Variants in LRP1B observed in about 807,000 individuals in gnomAD.
The protein encoded by LRP1B is LDL receptor related protein 1B.
Under a neutral mutation model 556.6 loss-of-function variants are expected in LRP1B, and 217 were observed. That is an observed-to-expected ratio of 0.39 (90% CI 0.35 to 0.44). LRP1B has a LOEUF of 0.44. Ranked by LOEUF, LRP1B falls within the 20% of genes least tolerant of loss-of-function variation. LRP1B has a pLI of 1.00. For missense variants in LRP1B, 5,053 were observed against 5,620.8 expected, an observed-to-expected ratio of 0.90 and a Z score of 3.23; for synonymous variants, 2,047 against 1,865.8, an observed-to-expected ratio of 1.10 and a Z score of -2.50.
Position 141,058,882 on chromosome 2 carries a change from C to A in LRP1B, c.1408+1G>T, listed in dbSNP as rs2105462480. On this transcript the variant is annotated splice_donor_variant, in intron 9 of 90. Coordinates refer to ENST00000389484, the MANE Select transcript of LRP1B (RefSeq NM_018557.3). LOFTEE classifies it high-confidence loss of function. ...GGTAATAAAGAAGCTTTCCCACTTA[C>A]CTGTTGGTTGAGTTCTTTTTTGATA... The A allele has an allele frequency of 6.3e-7, 1 of 1,581,628 alleles. No homozygotes were observed. Among genetic ancestry groups the A allele is most frequent in the Non-Finnish European group, 8.6e-7 (1 of 1,166,198 alleles).
chr2:141,693,989 G>A (rs1691639007), intron 2 of LRP1B, among the ~76,000 whole-genome samples: 1 of 152,036 alleles, frequency 6.6e-6, no homozygotes. Flanking sequence ...AGGAATTGGA[G>A]TGCAAATACC....
At chr2:140,672,028 A>G (rs1398688434) in intron 41 of LRP1B, among the ~76,000 whole-genome samples, 7 of 152,198 alleles carry the variant, frequency 4.6e-5, no homozygotes, top group Non-Finnish European at 1.0e-4. Flanking sequence ...TAAATCAGCT[A>G]TGTTTAAAAT....
rs151118490 is a variant in LRP1B, at chr2:140,943,430, T to C, written c.3136+6805A>G. Among the ~76,000 whole-genome samples, 35 of 152,174 alleles carry C rather than the reference T, an allele frequency of 2.3e-4. No individual in the cohort carries two copies. In the East Asian group the frequency reaches 6.8e-3, roughly 29 times the overall value. ...GCAGCACTCAACCCATTAGATTTAA[T>C]AGACATCTACAGAATACTCCACTCA... On this transcript the variant is annotated intron_variant, in intron 20 of 90. Coordinates refer to ENST00000389484, the MANE Select transcript of LRP1B (RefSeq NM_018557.3).
intron 77 of LRP1B, among the ~76,000 whole-genome samples, chr2:140,344,897 G>A (rs1310516364): frequency 6.6e-6 from 1 of 151,632 alleles, no homozygotes; most frequent in Non-Finnish European, 1.5e-5. Flanking sequence ...CTGAGTAAGT[G>A]AGGGGAAAAA....
intron 2 of LRP1B, among the ~76,000 whole-genome samples, chr2:141,603,295 G>T (rs1458592319): frequency 6.6e-6 from 1 of 152,056 alleles, no homozygotes; most frequent in Non-Finnish European, 1.5e-5. Flanking sequence ...AATTTTTTTT[G>T]AATTATAATA....
chr2:141,464,431 G>A (rs1682080709), intron 3 of LRP1B, among the ~76,000 whole-genome samples: 1 of 139,914 alleles, frequency 7.1e-6, no homozygotes, highest in South Asian at 2.3e-4. Flanking sequence ...TTTTTTTTTT[G>A]AGACGGAGTC....
rs142682101 is a variant in LRP1B at position 141,605,328 on chromosome 2, T to C, written c.206-124795A>G. 1.5e-3 allele frequency among the ~76,000 whole-genome samples: 231 copies of C among 151,954 alleles called. 2 individuals carry two copies. Among genetic ancestry groups the C allele is most frequent in the African/African-American group, 5.4e-3 (223 of 41,536 alleles). ...CACAAATCCTAAAATATTTATCATC[T>C]AGCCTTGTACAAAAAAAAATGCTGA... is the stretch of plus-strand genomic sequence containing the variant. On this transcript the variant is annotated intron_variant, in intron 2 of 90. Transcript: ENST00000389484.
chr2:140,780,343 G>A (rs984631820), intron 32 of LRP1B, among the ~76,000 whole-genome samples: 1 of 152,176 alleles, frequency 6.6e-6, no homozygotes, highest in African/African-American at 2.4e-5. Flanking sequence ...TTTTCCTGAA[G>A]TGTAGAATTG....
intron 3 of LRP1B, among the ~76,000 whole-genome samples, chr2:141,292,325 C>T (rs901416076): frequency 4.6e-5 from 7 of 152,094 alleles, no homozygotes; most frequent in African/African-American, 1.2e-4. Flanking sequence ...CAGCACACTC[C>T]GTGATAGGCA....
intron 11 of LRP1B, among the ~76,000 whole-genome samples, chr2:141,046,345 C>G (rs1698869559): frequency 6.6e-6 from 1 of 152,042 alleles, no homozygotes; most frequent in African/African-American, 2.4e-5. Context: ...AGTGAATACA[C>G]ATAGAATTTA....
At chr2:140,406,374 C>T (rs886382157) in intron 66 of LRP1B, among the ~76,000 whole-genome samples, 9 of 152,122 alleles carry the variant, frequency 5.9e-5, no homozygotes, top group African/African-American at 2.2e-4. Flanking sequence ...AAATAAAGGA[C>T]ATCTAAATTA....
In LRP1B at chr2:140,239,518, T is replaced by C. The variant is rs200367332; in HGVS notation, c.13339A>G (p.Ile4447Val). The part of the protein sequence containing the change: ...DHISTRSIAI[I>V]VPLVLLVTLI... Reference sequence around the variant, plus strand: ...GTCACCAAGAGGACGAGAGGCACAATGATGGCAATGCTTCCTGGAAAATAA... The same window carrying C: ...GTCACCAAGAGGACGAGAGGCACAACGATGGCAATGCTTCCTGGAAAATAA... The change falls in exon 88 of 91, where the codon ATT becomes GTT. Residue 4447 changes from isoleucine (I) to valine (V), a missense_variant. This residue lies in a region of LRP1B where 551 missense variants were observed against 592.0 expected (regional missense o/e 0.93). Coordinates refer to ENST00000389484, the MANE Select transcript of LRP1B (RefSeq NM_018557.3). The C allele has an allele frequency of 2.1e-5, 33 of 1,602,486 alleles. No individual in the cohort carries two copies. In the East Asian group the frequency reaches 7.0e-4, roughly 34 times the overall value.
chr2:140,772,018 G>A (rs1388387215), intron 33 of LRP1B, among the ~76,000 whole-genome samples: 1 of 152,150 alleles, frequency 6.6e-6, no homozygotes, highest in East Asian at 1.9e-4. Flanking sequence ...TTTGAAGTGT[G>A]AAATACTCTC....
chr2:141,644,915 A>G (rs62166521), intron 2 of LRP1B, among the ~76,000 whole-genome samples: 11,984 of 152,182 alleles, frequency 0.079, 607 homozygotes, highest in South Asian at 0.15. Context: ...AGTATTAATT[A>G]TAACAAAGTG....
At chr2:140,609,674 T>C (rs1445756653) in intron 41 of LRP1B, among the ~76,000 whole-genome samples, 1 of 152,212 alleles carries the variant, frequency 6.6e-6, no homozygotes, top group African/African-American at 2.4e-5. Flanking sequence ...TTCTTGCTTT[T>C]TGCATATAAT....
At chr2:140,565,214 C>G (rs72894736) in intron 43 of LRP1B, among the ~76,000 whole-genome samples, 972 of 79,746 alleles carry the variant, frequency 0.012, 6 homozygotes, top group Non-Finnish European at 0.018. Flanking sequence ...TATATACACA[C>G]ATTGCTGAAC....
At chr2:141,078,332 T>C (rs1699842759) in intron 7 of LRP1B, among the ~76,000 whole-genome samples, 1 of 152,054 alleles carries the variant, frequency 6.6e-6, no homozygotes. Flanking sequence ...AAAAAGCCCT[T>C]CTTTCTCCCA....
At chr2:141,342,639 T>A (rs1358870486) in intron 3 of LRP1B, among the ~76,000 whole-genome samples, 1 of 151,766 alleles carries the variant, frequency 6.6e-6, no homozygotes, top group Non-Finnish European at 1.5e-5. Flanking sequence ...GAAGAACAAC[T>A]TAATGAAATA....
intron 59 of LRP1B, among the ~76,000 whole-genome samples, chr2:140,482,603 A>C (rs764122507): frequency 1.6e-4 from 25 of 152,180 alleles, no homozygotes; most frequent in Non-Finnish European, 3.1e-4. Context: ...TTGGATTTAA[A>C]TATAACAGCT....
Sources: gnomAD v4.1 joint callset for allele counts (sites outside exome capture counted in the v4.1 genomes callset) on GRCh38, gnomAD v4.1.1 for gene constraint, gnomAD v4.1.1 regional missense constraint, MANE v1.5 for transcripts, NCBI Gene and HGNC (gene_info 2026-07-23, HGNC 2026-07-21) for gene names.